MTUS1: variants seen among roughly 807,000 people sequenced by gnomAD.
MTUS1 encodes the protein microtubule-associated tumor suppressor 1.
In MTUS1, 109 loss-of-function variants were observed where a neutral mutation model predicts 120.8. That is an observed-to-expected ratio of 0.90 (90% CI 0.77 to 1.06). The LOEUF is 1.06. MTUS1 is among the 50% of genes least tolerant of loss of function. MTUS1 has a pLI of 0.00. For synonymous variants in MTUS1, 737 were observed against 550.5 expected (o/e 1.34, Z -4.74); for missense variants, 2,210 against 1,486.3 (o/e 1.49, Z -8.01).
At chr8:17,730,018 T>C (rs564015132) in intron 3 of MTUS1, among the ~76,000 whole-genome samples, 1 of 140,252 alleles carries the variant, frequency 7.1e-6, no homozygotes, top group Non-Finnish European at 1.5e-5. Context: ...AAACAAAAAA[T>C]TAACAAGTGT....
intron 1 of MTUS1, among the ~76,000 whole-genome samples, chr8:17,772,917 G>C (rs1339216499): frequency 6.6e-6 from 1 of 152,092 alleles, no homozygotes; most frequent in Admixed American, 6.6e-5. Flanking sequence ...TATATAACAA[G>C]ACTAATCCAT....
At chr8:17,752,823 G>A (rs953213679) in intron 2 of MTUS1, among the ~76,000 whole-genome samples, 3 of 152,166 alleles carry the variant, frequency 2.0e-5, no homozygotes, top group Non-Finnish European at 4.4e-5. Context: ...GTCTGGGGCT[G>A]AAAATACACC....
At chr8:17,648,656 G>T (rs1297953546) in intron 13 of MTUS1, among the ~76,000 whole-genome samples, 2 of 152,146 alleles carry the variant, frequency 1.3e-5, no homozygotes, top group East Asian at 3.9e-4. Flanking sequence ...CAGGGGCTTG[G>T]CCGTTATCTC....
chr8:17,749,689 G>C (rs972931193), intron 2 of MTUS1, among the ~76,000 whole-genome samples: 6 of 149,522 alleles, frequency 4.0e-5, no homozygotes, highest in African/African-American at 1.5e-4. Flanking sequence ...GAAAGAAAAA[G>C]AAAGAAAATC....
Position 17,723,791 on chromosome 8 carries a change from T to G in MTUS1, c.2330A>C (p.Asn777Thr), listed in dbSNP as rs1447395128. The part of the protein sequence containing the change: ...SLKTAQSSWV[N>T]LPRPLPKSKA... ...GGATTTAGGAAGTGGTCTAGGCAAA[T>G]TCACCCATGACGACTGTGCAGTTTT... The change falls in exon 4 of 15, where the codon AAT becomes ACT. Residue 777 changes from asparagine to threonine, a missense_variant. Physicochemically the swap from Asn to Thr is moderately conservative, Grantham distance 65. Transcript: ENST00000693296. 2 of 1,608,990 alleles carry G rather than the reference T, an allele frequency of 1.2e-6. No individual in the cohort carries two copies. The highest frequency in any genetic ancestry group is 3.4e-5 in the Admixed American group (2 of 59,562).
chr8:17,651,293 G>A (rs996654180), intron 12 of MTUS1, among the ~76,000 whole-genome samples: 2 of 152,006 alleles, frequency 1.3e-5, no homozygotes, highest in Admixed American at 6.6e-5. Flanking sequence ...ATAGTAGGGT[G>A]ACTATAGTTA....
intron 1 of MTUS1, among the ~76,000 whole-genome samples, chr8:17,793,815 C>T (rs765718717): frequency 6.6e-5 from 10 of 152,102 alleles, no homozygotes; most frequent in Non-Finnish European, 1.2e-4. Context: ...AAACTTTGGT[C>T]AAGTCAGCAG....
At chr8:17,742,288 G>T (rs149311042) in intron 3 of MTUS1, among the ~76,000 whole-genome samples, 3,237 of 66,962 alleles carry the variant, frequency 0.048, 178 homozygotes, top group East Asian at 0.083. Flanking sequence ...TTTTGTTGTT[G>T]TTGTTTTTTT....
At chr8:17,720,419 C>T (rs928648852) in intron 4 of MTUS1, among the ~76,000 whole-genome samples, 2 of 151,960 alleles carry the variant, frequency 1.3e-5, no homozygotes, top group Non-Finnish European at 2.9e-5. Context: ...GCATGTTACA[C>T]CCCACTCAGC....
intron 3 of MTUS1, among the ~76,000 whole-genome samples, chr8:17,739,455 T>G (rs1038836454): frequency 6.6e-6 from 1 of 150,514 alleles, no homozygotes; most frequent in Non-Finnish European, 1.5e-5. Context: ...ATTGCGTCAA[T>G]TGCACTCCAG....
intron 3 of MTUS1, among the ~76,000 whole-genome samples, chr8:17,741,670 T>G (rs949540249): frequency 6.6e-6 from 1 of 152,200 alleles, no homozygotes; most frequent in Non-Finnish European, 1.5e-5. Context: ...AAAAGGATTC[T>G]ATCTTTTTCA....
chr8:17,658,020 T>C (rs371642969), intron 8 of MTUS1, among the ~76,000 whole-genome samples: 26 of 50,548 alleles, frequency 5.1e-4, no homozygotes, highest in Non-Finnish European at 6.7e-4. Context: ...ACACTATATA[T>C]ATAGACACAC....
At chr8:17,730,616 A>G (rs1449499311) in intron 3 of MTUS1, among the ~76,000 whole-genome samples, 1 of 152,222 alleles carries the variant, frequency 6.6e-6, no homozygotes, top group Admixed American at 6.5e-5. Flanking sequence ...ACGAATAAAC[A>G]AAAGGTGGTA....
At chr8:17,654,901 C>G in intron 9 of MTUS1, 2 of 538,510 alleles carry the variant, frequency 3.7e-6, no homozygotes, top group Admixed American at 6.3e-5. Flanking sequence ...CCAGCCTGGG[C>G]AATGTCGCGA....
At chr8:17,796,895 T>C (rs988451643) in intron 1 of MTUS1, among the ~76,000 whole-genome samples, 2 of 152,126 alleles carry the variant, frequency 1.3e-5, no homozygotes, top group Admixed American at 6.6e-5. Flanking sequence ...GGCAATCACT[T>C]GAGGTCAGGA....
At chr8:17,765,145 C>G (rs566213014) in intron 1 of MTUS1, among the ~76,000 whole-genome samples, 1 of 152,226 alleles carries the variant, frequency 6.6e-6, no homozygotes, top group East Asian at 1.9e-4. Context: ...GTTCACACTC[C>G]CAGGAGAATC....
At chr8:17,674,829 G>T in intron 8 of MTUS1, 1 of 1,074,136 alleles carries the variant, frequency 9.3e-7, no homozygotes, top group Non-Finnish European at 1.1e-6. Flanking sequence ...ATCAAGAGGG[G>T]AAACTTTCAC....
chr8:17,665,588 G>A (rs767363558), intron 8 of MTUS1, among the ~76,000 whole-genome samples: 6 of 152,016 alleles, frequency 3.9e-5, no homozygotes, highest in East Asian at 1.9e-4. Context: ...CTCAAACTCC[G>A]GGCATCAAGC....
At chr8:17,752,918 A>G (rs189995) in intron 2 of MTUS1, among the ~76,000 whole-genome samples, 1 of 152,126 alleles carries the variant, frequency 6.6e-6, no homozygotes, top group Admixed American at 6.5e-5. Flanking sequence ...AACCCAGAAA[A>G]CCAATTTCTA....
Sources: allele counts gnomAD v4.1 joint callset (sites outside exome capture counted in the v4.1 genomes callset), GRCh38; gene constraint gnomAD v4.1.1; transcripts MANE v1.5; gene names NCBI Gene and HGNC (gene_info 2026-07-23, HGNC 2026-07-21).